DAAM2: variants seen among roughly 807,000 people sequenced by gnomAD.
DAAM2 encodes dishevelled associated activator of morphogenesis 2.
A neutral mutation model predicts 120.7 loss-of-function variants in DAAM2; 39 were observed. That is an observed-to-expected ratio of 0.32 (90% CI 0.25 to 0.42). The LOEUF (loss-of-function observed/expected upper bound fraction) is 0.42, where lower values mean the gene tolerates loss of function less well. Ranked by LOEUF, DAAM2 falls within the 10% of genes least tolerant of loss-of-function variation. The pLI is 1.00. For synonymous variants in DAAM2, 488 were observed against 524.9 expected, an observed-to-expected ratio of 0.93 and a Z score of 0.96; for missense variants, 1,283 against 1,401.7, an observed-to-expected ratio of 0.92 and a Z score of 1.35.
At chr6:39,885,447 A>C (rs1043705829) in intron 15 of DAAM2, 2 of 152,160 alleles carry the variant, frequency 1.3e-5, no homozygotes, top group South Asian at 2.1e-4. Flanking sequence ...CCACCTCCTC[A>C]TTTGAGAGTC....
intron 1 of DAAM2, chr6:39,820,336 A>C (rs1416327623): frequency 1.3e-5 from 2 of 152,182 alleles, no homozygotes; most frequent in Non-Finnish European, 2.9e-5. Context: ...TTTTTATTTC[A>C]GTTTTTGGCT....
At chr6:39,801,651 G>A (rs545112392) in intron 1 of DAAM2, among the ~76,000 whole-genome samples, 3 of 152,316 alleles carry the variant, frequency 2.0e-5, no homozygotes, top group Admixed American at 6.5e-5. Context: ...AAGCACAGGC[G>A]GTCTTTGGTG....
rs371043135 is a variant in DAAM2, at chr6:39,843,321, C to T, written c.-56-12926C>T. On this transcript the variant is annotated intron_variant, in intron 1 of 24. Transcript: ENST00000274867. ...GAGTGTGGAGTGGAGGAGTGGGGTG[C>T]GATGGGGAAGAAAGATCAGGGTGGG... Among the ~76,000 whole-genome samples the T allele has an allele frequency of 3.3e-5, 5 of 152,056 alleles. No individual in the cohort carries two copies. The East Asian group carries it at 5.8e-4, about 18-fold the overall frequency.
intron 1 of DAAM2, among the ~76,000 whole-genome samples, chr6:39,850,056 T>TG (rs1763748122): frequency 6.7e-6 from 1 of 150,202 alleles, no homozygotes; most frequent in African/African-American, 2.5e-5. Flanking sequence ...GGGGACCTGG[T>TG]GGGGAGAGGA....
chr6:39,824,541 G>A (rs1188614031), intron 1 of DAAM2, among the ~76,000 whole-genome samples: 2 of 152,216 alleles, frequency 1.3e-5, no homozygotes, highest in Non-Finnish European at 2.9e-5. Flanking sequence ...GCCCCTGCCA[G>A]CTCCTGGGCT....
chr6:39,794,323 C>T (rs565520211), intron 1 of DAAM2, among the ~76,000 whole-genome samples: 3 of 152,198 alleles, frequency 2.0e-5, no homozygotes, highest in Non-Finnish European at 4.4e-5. Flanking sequence ...GGAACTCCAT[C>T]TAACCCCCAT....
At chr6:39,836,071 A>G (rs1362162972) in intron 1 of DAAM2, among the ~76,000 whole-genome samples, 1 of 152,084 alleles carries the variant, frequency 6.6e-6, no homozygotes, top group Non-Finnish European at 1.5e-5. Flanking sequence ...GGAAACATAT[A>G]TTGCAAGCTT....
chr6:39,836,131 C>A (rs1763092456), intron 1 of DAAM2, among the ~76,000 whole-genome samples: 1 of 152,096 alleles, frequency 6.6e-6, no homozygotes, highest in African/African-American at 2.4e-5. Context: ...AGCCCCTCTG[C>A]CGGCCAGATT....
intron 5 of DAAM2, 76 bp downstream of exon 5, chr6:39,865,150 C>G: frequency 1.2e-6 from 1 of 853,380 alleles, no homozygotes; most frequent in Non-Finnish European, 1.9e-6. Context: ...AAGCCCTGTG[C>G]AGTGCTCTGC....
chr6:39,815,143 G>A (rs1219931842), intron 1 of DAAM2, among the ~76,000 whole-genome samples: 1 of 152,228 alleles, frequency 6.6e-6, no homozygotes, highest in Non-Finnish European at 1.5e-5. Flanking sequence ...GCAGCCCAGC[G>A]ATTTGTGTCT....
chr6:39,867,965 A>T, intron 6 of DAAM2, 122 bp downstream of exon 6: 2 of 873,252 alleles, frequency 2.3e-6, no homozygotes, highest in South Asian at 1.7e-5. Flanking sequence ...TGTGGTCTGC[A>T]TGCCTGCTCC....
intron 1 of DAAM2, among the ~76,000 whole-genome samples, chr6:39,805,070 G>A (rs1393669756): frequency 6.6e-6 from 1 of 152,210 alleles, no homozygotes; most frequent in Non-Finnish European, 1.5e-5. Flanking sequence ...AGGATTTGAT[G>A]TGGGTTTCCA....
chr6:39,796,300 C>G (rs1761697030), intron 1 of DAAM2, among the ~76,000 whole-genome samples: 1 of 152,154 alleles, frequency 6.6e-6, no homozygotes, highest in African/African-American at 2.4e-5. Context: ...TGTTCAAGCT[C>G]TCTCTTTAAC....
At chr6:39,884,289 A>G (rs1765271399) in intron 15 of DAAM2, 1 of 513,608 alleles carries the variant, frequency 1.9e-6, no homozygotes, top group Admixed American at 3.1e-5. Context: ...GGATGTAGGT[A>G]TGAAGTAGAG....
chr6:39,876,708 T>G (rs183090620), intron 11 of DAAM2, among the ~76,000 whole-genome samples: 21 of 146,554 alleles, frequency 1.4e-4, no homozygotes, highest in Non-Finnish European at 2.6e-4. Context: ...ATGGGAAGGG[T>G]GTGTGTGTGT....
intron 21 of DAAM2, among the ~76,000 whole-genome samples, chr6:39,897,995 G>C (rs1766221596): frequency 6.6e-6 from 1 of 152,172 alleles, no homozygotes; most frequent in Admixed American, 6.5e-5. Flanking sequence ...CTCAGGGTCT[G>C]CTTCTGGGAA....
intron 19 of DAAM2, among the ~76,000 whole-genome samples, chr6:39,895,633 C>G (rs1305160677): frequency 6.6e-6 from 1 of 152,222 alleles, no homozygotes; most frequent in African/African-American, 2.4e-5. Flanking sequence ...GCATAAGCCA[C>G]AGATCACAGG....
intron 1 of DAAM2, among the ~76,000 whole-genome samples, chr6:39,852,169 G>T (rs1443745629): frequency 6.6e-6 from 1 of 152,174 alleles, no homozygotes; most frequent in Non-Finnish European, 1.5e-5. Context: ...GGAGGTGGGG[G>T]CAGTTGAAAT....
At chr6:39,887,876 G>T in intron 16 of DAAM2, 1 of 404,754 alleles carries the variant, frequency 2.5e-6, no homozygotes, top group South Asian at 2.4e-5. Context: ...GGAGCAGCAT[G>T]ATCTCAGCCC....
Sources: allele counts gnomAD v4.1 joint callset (sites outside exome capture counted in the v4.1 genomes callset), GRCh38; gene constraint gnomAD v4.1.1; transcripts MANE v1.5; gene names NCBI Gene and HGNC (gene_info 2026-07-23, HGNC 2026-07-21).